SLIT3: variants seen among roughly 807,000 people sequenced by gnomAD.
SLIT3 encodes slit homolog 3 protein.
A neutral mutation model predicts 184.0 loss-of-function variants in SLIT3; 68 were observed. That is an observed-to-expected ratio of 0.37 (90% CI 0.30 to 0.45). The LOEUF is 0.45. Among genes scored for constraint, SLIT3 ranks in the 20% least tolerant of loss-of-function variants. The pLI is 1.00. For missense variants in SLIT3, 1,707 were observed against 2,026.0 expected (o/e 0.84, Z 3.02); for synonymous variants, 831 against 828.6 (o/e 1.00, Z -0.05).
intron 1 of SLIT3, among the ~76,000 whole-genome samples, chr5:169,274,153 A>C (rs1766725201): frequency 6.6e-6 from 1 of 152,196 alleles, no homozygotes; most frequent in African/African-American, 2.4e-5. Context: ...GATCCTTTGC[A>C]GGTGGGCCTA....
intron 6 of SLIT3, among the ~76,000 whole-genome samples, chr5:168,840,221 A>G (rs1220583751): frequency 1.3e-5 from 2 of 152,314 alleles, no homozygotes; most frequent in African/African-American, 4.8e-5. Context: ...CCAGGAGATG[A>G]GAGCATTTTC....
chr5:168,941,167 TG>T (rs1204100313), intron 4 of SLIT3, among the ~76,000 whole-genome samples: 1 of 152,220 alleles, frequency 6.6e-6, no homozygotes, highest in African/African-American at 2.4e-5. Context: ...TTCCACTTTT[TG>T]GGGGGCTTCC....
At chr5:168,856,806 T>TGTGTGTGTGTGTGC (rs374432432) in intron 5 of SLIT3, among the ~76,000 whole-genome samples, 7 of 137,740 alleles carry the variant, frequency 5.1e-5, no homozygotes, top group East Asian at 4.5e-4. Context: ...TGTGTGTGTG[T>TGTGTGTGTGTGTGC]GCGCGCGCGC....
chr5:169,171,339 A>G lies in SLIT3; in HGVS notation c.413+22140T>C, dbSNP rs929872496. ...GTCTCTAGACTTGGATGATCCTTGG[A>G]AAAAAAGGCAAGGTATCCCAGGCAG... On this transcript the variant is annotated intron_variant, in intron 4 of 35. Coordinates refer to ENST00000519560, the MANE Select transcript of SLIT3 (RefSeq NM_003062.4). Among the ~76,000 whole-genome samples, 3 of 152,208 alleles carry G rather than the reference A, an allele frequency of 2.0e-5. No individual in the cohort carries two copies. In the East Asian group the frequency reaches 5.8e-4, roughly 29 times the overall value.
chr5:169,025,602 C>A (rs1360288733), intron 4 of SLIT3, among the ~76,000 whole-genome samples: 1 of 152,164 alleles, frequency 6.6e-6, no homozygotes, highest in South Asian at 2.1e-4. Context: ...AAACTTGGAT[C>A]TCTGTGCTGT....
chr5:169,146,792 A>C (rs982804404), intron 4 of SLIT3, among the ~76,000 whole-genome samples: 2 of 152,212 alleles, frequency 1.3e-5, no homozygotes, highest in Admixed American at 1.3e-4. Flanking sequence ...TGCCTAGCTG[A>C]TATTTACAAG....
chr5:168,674,947 C>A (rs1761361894), intron 32 of SLIT3, among the ~76,000 whole-genome samples: 1 of 152,142 alleles, frequency 6.6e-6, no homozygotes, highest in African/African-American at 2.4e-5. Context: ...TGCCAGATAT[C>A]CTATTTCACA....
chr5:168,925,371 C>T (rs1761782692), intron 4 of SLIT3, among the ~76,000 whole-genome samples: 1 of 152,182 alleles, frequency 6.6e-6, no homozygotes, highest in Non-Finnish European at 1.5e-5. Context: ...GTTAGACCAT[C>T]TGAGCTGCCA....
chr5:168,734,007 T>A (rs754232117), intron 20 of SLIT3, among the ~76,000 whole-genome samples: 2 of 151,922 alleles, frequency 1.3e-5, no homozygotes, highest in Non-Finnish European at 2.9e-5. Flanking sequence ...ACATACCGAG[T>A]AGAATAATGG....
intron 20 of SLIT3, among the ~76,000 whole-genome samples, chr5:168,745,961 T>C (rs909915285): frequency 2.0e-5 from 3 of 152,234 alleles, no homozygotes; most frequent in Non-Finnish European, 4.4e-5. Flanking sequence ...AGGGGATCAT[T>C]AGCATTTTTT....
intron 4 of SLIT3, among the ~76,000 whole-genome samples, chr5:169,153,017 C>T (rs1334819368): frequency 6.6e-6 from 1 of 152,222 alleles, no homozygotes; most frequent in Non-Finnish European, 1.5e-5. Flanking sequence ...TCTAAAAATA[C>T]CTTCAGAAGG....
rs1031921929 is a variant in SLIT3, at chr5:168,889,521, C to T, written c.414-6185G>A. On this transcript the variant is annotated intron_variant, in intron 4 of 35. Transcript: ENST00000519560. ...TTCATTGCAGTGAGAGTTTACTTTA[C>T]GTGTTCCCTTGAGGTTAAAAAGTTA... Among the ~76,000 whole-genome samples, 9 of 152,178 alleles carry T rather than the reference C, an allele frequency of 5.9e-5. No individual in the cohort carries two copies. In the South Asian group the frequency reaches 6.2e-4, roughly 11 times the overall value.
At chr5:169,237,599 G>T (rs1309585788) in intron 3 of SLIT3, among the ~76,000 whole-genome samples, 4 of 152,134 alleles carry the variant, frequency 2.6e-5, no homozygotes, top group Non-Finnish European at 4.4e-5. Flanking sequence ...TTTCACCACT[G>T]TAATAGGTGT....
intron 4 of SLIT3, chr5:169,119,958 G>A (rs1218812669): frequency 6.6e-6 from 1 of 152,150 alleles, no homozygotes; most frequent in East Asian, 1.9e-4. Context: ...CAGTAGATGG[G>A]AGGCCAGTAA....
At chr5:168,680,940 C>T (rs1055148467) in intron 32 of SLIT3, among the ~76,000 whole-genome samples, 1 of 152,196 alleles carries the variant, frequency 6.6e-6, no homozygotes, top group Non-Finnish European at 1.5e-5. Context: ...TGCTTCAGCC[C>T]AGGAGTTCAA....
At chr5:169,095,344 C>T (rs561928154) in intron 4 of SLIT3, among the ~76,000 whole-genome samples, 2 of 152,304 alleles carry the variant, frequency 1.3e-5, no homozygotes, top group Admixed American at 6.5e-5. Context: ...CATGTTATGG[C>T]AGCCATTTTA....
At position 169,138,691 on chromosome 5, in the gene SLIT3, T is replaced by C. The variant is rs568193206; in HGVS notation, c.413+54788A>G. Among the ~76,000 whole-genome samples, 8 of 152,352 alleles carry C rather than the reference T, an allele frequency of 5.3e-5. No individual in the cohort carries two copies. In the South Asian group the frequency reaches 1.4e-3, roughly 28 times the overall value. The stretch of plus-strand genomic sequence containing the variant: ...TGGGATAGAGCTTGTCCGATGGCAC[T>C]GCGAGCCTTGCGTGTTCTCCCCTCT... On this transcript the variant is annotated intron_variant, in intron 4 of 35. Coordinates refer to ENST00000519560, the MANE Select transcript of SLIT3 (RefSeq NM_003062.4).
At chr5:168,798,576 G>A (rs1170491166) in intron 9 of SLIT3, among the ~76,000 whole-genome samples, 1 of 151,966 alleles carries the variant, frequency 6.6e-6, no homozygotes, top group Non-Finnish European at 1.5e-5. Context: ...GGCTGTTTTG[G>A]GCACTGGCTG....
chr5:169,254,963 AAT>A (rs1460232694), intron 1 of SLIT3, among the ~76,000 whole-genome samples: 1 of 152,234 alleles, frequency 6.6e-6, no homozygotes, highest in Non-Finnish European at 1.5e-5. Context: ...AACATATAGC[AAT>A]GTTTCAGTCA....
Sources: allele counts gnomAD v4.1 joint callset (sites outside exome capture counted in the v4.1 genomes callset), GRCh38; gene constraint gnomAD v4.1.1; transcripts MANE v1.5; gene names NCBI Gene and HGNC (gene_info 2026-07-23, HGNC 2026-07-21).